The following TMEM218 variants were observed in gnomAD, a reference collection of about 807,000 sequenced individuals.
The protein encoded by TMEM218 is transmembrane protein 218.
Under a neutral mutation model 10.0 loss-of-function variants are expected in TMEM218, and 8 were observed. The observed-to-expected ratio is 0.80, with a 90% CI of 0.47 to 1.44. The LOEUF (loss-of-function observed/expected upper bound fraction) is 1.44, where lower values mean the gene tolerates loss of function less well. Among genes scored for constraint, TMEM218 ranks in the 40% most tolerant of loss-of-function variants. The pLI, the probability that TMEM218 is intolerant of heterozygous loss-of-function variation, is 0.00. For synonymous variants in TMEM218, 66 were observed against 63.5 expected, an observed-to-expected ratio of 1.04 and a Z score of -0.18; for missense variants, 110 against 140.1, an observed-to-expected ratio of 0.79 and a Z score of 1.08.
chr11:125,106,986 GTAGTATAAAGCAATGAGAA>G (rs1370859594), intron 1 of TMEM218, among the ~76,000 whole-genome samples: 3 of 152,300 alleles, frequency 2.0e-5, no homozygotes, highest in Admixed American at 6.5e-5. Context: ...AAAGCATTAT[GTAGTATAAAGCAATGAGAA>G]TAGTATAAAG....
chr11:125,101,640 A>C, intron 3 of TMEM218: 1 of 656,678 alleles, frequency 1.5e-6, no homozygotes. Context: ...ATACTTTAGA[A>C]AATTCTACAA....
chr11:125,103,663 G>C (rs1433607933), intron 1 of TMEM218: 1 of 152,198 alleles, frequency 6.6e-6, no homozygotes, highest in African/African-American at 2.4e-5. Flanking sequence ...TGTCAAACAA[G>C]GTCATGGTCA....
intron 3 of TMEM218, chr11:125,101,831 T>C: frequency 2.1e-6 from 1 of 482,636 alleles, no homozygotes; most frequent in Non-Finnish European, 3.6e-6. Flanking sequence ...ACCAAGCCTC[T>C]GCCATAAATC....
At position 125,095,425 on chromosome 11, in the gene TMEM218, C is replaced by T. The variant is rs1453686242; in HGVS notation, c.*2181G>A. 1.3e-5 allele frequency among the ~76,000 whole-genome samples: 2 copies of T among 152,202 alleles called. No individual in the cohort carries two copies. The highest frequency in any genetic ancestry group is 2.9e-5 in the Non-Finnish European group (2 of 68,040). ...AACAGACATTGACTATAGGGTTATC[C>T]CATGCCAAACTCTCAGTGAAATCCA... On this transcript the variant is annotated 3_prime_UTR_variant, in exon 5 of 5. Transcript: ENST00000682305.
chr11:125,102,776 G>A lies in TMEM218; in HGVS notation c.-119C>T, dbSNP rs545497268. 2.3e-5 allele frequency: 28 copies of A among 1,213,462 alleles called. No individual in the cohort carries two copies. In the East Asian group the frequency reaches 2.8e-4, roughly 12 times the overall value. 75.2% of individuals were successfully genotyped at this position (1,213,462 alleles called of 1,614,324 possible). A position where few individuals can be genotyped will look rare whatever the true frequency, so the allele number is the denominator to read the frequency against. ...GACAGAAAGTTCCCACTCTGTTGTC[G>A]AGTTCTTATTCAAGAGGATGAAAAC... On this transcript the variant is annotated 5_prime_UTR_variant, in exon 2 of 5. Coordinates refer to ENST00000682305, the MANE Select transcript of TMEM218 (RefSeq NM_001258244.2).
intron 4 of TMEM218, among the ~76,000 whole-genome samples, chr11:125,099,647 GGT>G (rs1234571328): frequency 6.6e-6 from 1 of 152,170 alleles, no homozygotes; most frequent in African/African-American, 2.4e-5. Context: ...AAAGCAGCTG[GGT>G]GCGGTGGCTC....
rs1436638124 is a variant in TMEM218 at position 125,108,472 on chromosome 11, C to A, written c.-153+3067G>T. ...TATACAAATGTTCAGGCTGACTACA[C>A]TAGAATACATAATGAAGTACAGTAG... On this transcript the variant is annotated intron_variant, in intron 1 of 4. Transcript: ENST00000682305. This position sits in a 1 kb window ranked among gnomAD's most constrained non-coding sequence, Gnocchi z 5.3. 6.6e-6 allele frequency among the ~76,000 whole-genome samples: 1 copy of A among 152,182 alleles called. No individual in the cohort carries two copies. Among genetic ancestry groups the A allele is most frequent in the East Asian group, 1.9e-4 (1 of 5,204 alleles).
At chr11:125,110,738 A>T (rs984004904) in intron 1 of TMEM218, 4 of 150,908 alleles carry the variant, frequency 2.7e-5, no homozygotes, top group Non-Finnish European at 5.9e-5. Flanking sequence ...TTTCACACTG[A>T]CTCAAGCCCT....
At chr11:125,101,760 C>T (rs1014956187) in intron 3 of TMEM218, 1 of 490,292 alleles carries the variant, frequency 2.0e-6, no homozygotes, top group South Asian at 4.1e-5. Context: ...AGAAAGCAGG[C>T]CCAACTCATC....
At chr11:125,111,148 G>T (rs1191786104) in intron 1 of TMEM218, among the ~76,000 whole-genome samples, 1 of 152,132 alleles carries the variant, frequency 6.6e-6, no homozygotes, top group East Asian at 1.9e-4. Flanking sequence ...GGATCTCACA[G>T]CACTGCAGCC....
chr11:125,107,839 G>T (rs1448763697), intron 1 of TMEM218, among the ~76,000 whole-genome samples: 1 of 144,086 alleles, frequency 6.9e-6, no homozygotes, highest in Non-Finnish European at 1.5e-5. Context: ...GAATATAAAA[G>T]ATGAGTAAGA....
In TMEM218 at chr11:125,095,360, GC is replaced by G. The variant is rs1273163013; in HGVS notation, c.*2245del. On this transcript the variant is annotated 3_prime_UTR_variant, in exon 5 of 5. Coordinates refer to ENST00000682305, the MANE Select transcript of TMEM218 (RefSeq NM_001258244.2). ...TCTGTATTTAAGGAATGACCTCTGA[GC>G]CCTGTCTCCAAGAAGGCCATGAGCA... Among the ~76,000 whole-genome samples the G allele has an allele frequency of 1.3e-5, 2 of 152,186 alleles. No individual in the cohort carries two copies. Among genetic ancestry groups the G allele is most frequent in the African/African-American group, 2.4e-5 (1 of 41,448 alleles).
At chr11:125,105,022 G>A (rs530783549) in intron 1 of TMEM218, 8 of 152,160 alleles carry the variant, frequency 5.3e-5, no homozygotes, top group Non-Finnish European at 1.0e-4. Context: ...TCAAGCCCAC[G>A]ATGGCAAAGA....
intron 1 of TMEM218, among the ~76,000 whole-genome samples, chr11:125,110,305 A>G (rs886232265): frequency 6.6e-6 from 1 of 152,252 alleles, no homozygotes; most frequent in Non-Finnish European, 1.5e-5. Flanking sequence ...TATCTGTGGC[A>G]TTTAAAGCAG....
chr11:125,109,822 A>T (rs553456775), intron 1 of TMEM218, among the ~76,000 whole-genome samples: 6 of 152,376 alleles, frequency 3.9e-5, no homozygotes, highest in Middle Eastern at 3.4e-3. Context: ...CAAATAACCC[A>T]GAAGACTTGG....
At chr11:125,110,099 G>A (rs1953406255) in intron 1 of TMEM218, among the ~76,000 whole-genome samples, 1 of 152,224 alleles carries the variant, frequency 6.6e-6, no homozygotes, top group South Asian at 2.1e-4. Context: ...TAGAGGAAGA[G>A]AGAACATCTA....
intron 4 of TMEM218, among the ~76,000 whole-genome samples, chr11:125,098,863 T>C (rs1224374876): frequency 6.6e-6 from 1 of 152,090 alleles, no homozygotes; most frequent in East Asian, 1.9e-4. Context: ...TGAGGTGTGA[T>C]GTCACTGGCT....
intron 1 of TMEM218, among the ~76,000 whole-genome samples, chr11:125,106,647 C>A (rs1210540633): frequency 6.6e-6 from 1 of 152,168 alleles, no homozygotes; most frequent in Non-Finnish European, 1.5e-5. Flanking sequence ...CTTCATATAC[C>A]CACCAGAATG....
chr11:125,100,981 G>A (rs1335835747), intron 4 of TMEM218, among the ~76,000 whole-genome samples: 2 of 152,156 alleles, frequency 1.3e-5, no homozygotes, highest in African/African-American at 2.4e-5. Context: ...ATAACTGCCT[G>A]GTGGGGTTGT....
Sources: gnomAD v4.1 joint callset for allele counts (sites outside exome capture counted in the v4.1 genomes callset) on GRCh38, gnomAD v4.1.1 for gene constraint, Gnocchi (gnomAD v3.1) non-coding constraint, MANE v1.5 for transcripts, NCBI Gene and HGNC (gene_info 2026-07-23, HGNC 2026-07-21) for gene names.